SH3PXD2A: variants seen among roughly 807,000 people sequenced by gnomAD.
SH3PXD2A encodes SH3 and PX domain-containing protein 2A.
In SH3PXD2A, 32 loss-of-function variants were observed where a neutral mutation model predicts 115.2. That is an observed-to-expected ratio of 0.28 (90% CI 0.21 to 0.37). SH3PXD2A has a LOEUF of 0.37. Among genes scored for constraint, SH3PXD2A ranks in the 10% least tolerant of loss-of-function variants. The pLI is 1.00. For synonymous variants in SH3PXD2A, 610 were observed against 629.1 expected (o/e 0.97, Z 0.45); for missense variants, 1,328 against 1,498.7 (o/e 0.89, Z 1.88).
intron 1 of SH3PXD2A, among the ~76,000 whole-genome samples, chr10:103,851,735 G>A (rs1465713024): frequency 1.3e-5 from 2 of 152,180 alleles, no homozygotes; most frequent in African/African-American, 4.8e-5. Context: ...TTTCACCATC[G>A]ATGGTAACTG....
chr10:103,799,175 A>G (rs1340782961), intron 2 of SH3PXD2A, among the ~76,000 whole-genome samples: 5 of 152,134 alleles, frequency 3.3e-5, no homozygotes, highest in Admixed American at 3.3e-4. Context: ...CTCTTACACA[A>G]TCTCTCAGGG....
chr10:103,849,895 G>GT (rs1174312694), intron 1 of SH3PXD2A, among the ~76,000 whole-genome samples: 1 of 152,182 alleles, frequency 6.6e-6, no homozygotes, highest in Non-Finnish European at 1.5e-5. Flanking sequence ...CTCGAGAGGA[G>GT]TAAGTGGGAC....
chr10:103,797,488 T>C (rs2039103551), intron 2 of SH3PXD2A, among the ~76,000 whole-genome samples: 5 of 152,052 alleles, frequency 3.3e-5, no homozygotes, highest in Admixed American at 2.6e-4. Flanking sequence ...CTAAGTACCC[T>C]GTCCTTAATG....
rs780024459 is a variant in SH3PXD2A, at chr10:103,599,387, C to T, written c.*2429G>A. On this transcript the variant is annotated 3_prime_UTR_variant, in exon 15 of 15. Transcript: ENST00000369774. ...AGATGCTCTGTGCTTGGCAGACATG[C>T]TCTGCACTCCCTCCTGGCCTGGCTG... 2.6e-5 allele frequency: 4 copies of T among 152,656 alleles called. No homozygotes were observed. Among genetic ancestry groups the T allele is most frequent in the African/African-American group, 9.7e-5 (4 of 41,416 alleles). 9.5% of individuals were successfully genotyped at this position (152,656 alleles called of 1,614,324 possible). A position where few individuals can be genotyped will look rare whatever the true frequency, so the allele number is the denominator to read the frequency against.
intron 1 of SH3PXD2A, among the ~76,000 whole-genome samples, chr10:103,827,405 T>C (rs2039441149): frequency 6.6e-6 from 1 of 152,160 alleles, no homozygotes; most frequent in South Asian, 2.1e-4. Context: ...TATCATGGTA[T>C]CATGCAAAGA....
At chr10:103,644,670 G>A (rs1014969819) in intron 8 of SH3PXD2A, among the ~76,000 whole-genome samples, 5 of 151,600 alleles carry the variant, frequency 3.3e-5, no homozygotes, top group African/African-American at 9.7e-5. Flanking sequence ...GAAACCCGAC[G>A]GACTCCTAAC....
chr10:103,663,660 G>C (rs1027196510), intron 7 of SH3PXD2A, among the ~76,000 whole-genome samples: 1 of 152,260 alleles, frequency 6.6e-6, no homozygotes, highest in East Asian at 1.9e-4. Flanking sequence ...GTGCACCCAG[G>C]TGCAAGAAGC....
At chr10:103,702,596 C>CGTGTGTGTGCGTGTGTGTGTGTGT (rs1554913267) in intron 5 of SH3PXD2A, among the ~76,000 whole-genome samples, 3 of 147,448 alleles carry the variant, frequency 2.0e-5, no homozygotes, top group Non-Finnish European at 4.5e-5. Flanking sequence ...TGTGTGTGTG[C>CGTGTGTGTGCGTGTGTGTGTGTGT]GTGTGTGTGT....
intron 13 of SH3PXD2A, among the ~76,000 whole-genome samples, chr10:103,610,884 G>A (rs1268094848): frequency 6.6e-6 from 1 of 151,762 alleles, no homozygotes; most frequent in Non-Finnish European, 1.5e-5. Flanking sequence ...AGTGGAATCC[G>A]AATCCATGCC....
At chr10:103,635,262 C>T (rs1046490240) in intron 8 of SH3PXD2A, among the ~76,000 whole-genome samples, 5 of 152,242 alleles carry the variant, frequency 3.3e-5, no homozygotes, top group Non-Finnish European at 7.3e-5. Context: ...CCTGAGAAGT[C>T]AACCCTGGTT....
chr10:103,776,117 T>C (rs906368218), intron 2 of SH3PXD2A, among the ~76,000 whole-genome samples: 2 of 152,190 alleles, frequency 1.3e-5, no homozygotes, highest in Non-Finnish European at 2.9e-5. Context: ...CCGGACACCG[T>C]GGCTCATGCC....
chr10:103,712,009 G>A (rs1049635687), intron 5 of SH3PXD2A, among the ~76,000 whole-genome samples: 4 of 151,626 alleles, frequency 2.6e-5, no homozygotes, highest in Non-Finnish European at 5.9e-5. Flanking sequence ...TTGTGCCACT[G>A]AGCTCCAGCC....
At chr10:103,785,591 A>G (rs1589453868) in intron 2 of SH3PXD2A, among the ~76,000 whole-genome samples, 1 of 152,124 alleles carries the variant, frequency 6.6e-6, no homozygotes. Context: ...ACGGCTGCCC[A>G]CAGGAGGCAG....
intron 2 of SH3PXD2A, among the ~76,000 whole-genome samples, chr10:103,782,192 G>A (rs17115976): frequency 0.022 from 3,415 of 152,292 alleles, 123 homozygotes; most frequent in African/African-American, 0.074. Flanking sequence ...AATGTTCCAC[G>A]CCGGTGCTAC....
At chr10:103,657,569 T>A (rs1167020994) in intron 8 of SH3PXD2A, among the ~76,000 whole-genome samples, 2 of 152,216 alleles carry the variant, frequency 1.3e-5, no homozygotes, top group Non-Finnish European at 2.9e-5. Flanking sequence ...TGTGTCCCTG[T>A]ATATCAATGG....
At chr10:103,815,167 T>C (rs766997670) in intron 1 of SH3PXD2A, among the ~76,000 whole-genome samples, 1 of 152,146 alleles carries the variant, frequency 6.6e-6, no homozygotes, top group Non-Finnish European at 1.5e-5. Context: ...TTCTGAGACA[T>C]GACACCAAAA....
At position 103,855,541 on chromosome 10, in the gene SH3PXD2A, C is replaced by G. The variant is rs1271330349; in HGVS notation, c.-275G>C. On this transcript the variant is annotated 5_prime_UTR_variant, in exon 1 of 15. Coordinates refer to ENST00000369774, the MANE Select transcript of SH3PXD2A (RefSeq NM_001394015.1). The stretch of plus-strand genomic sequence containing the variant: ...GGCCGCCGCGCTGCGCTCGCCCGCT[C>G]GCTCTCTCCGCCGCCCGGTGGGTCC... The G allele has an allele frequency of 1.3e-5, 2 of 150,902 alleles. No homozygotes were observed. Among genetic ancestry groups the G allele is most frequent in the African/African-American group, 4.9e-5 (2 of 41,154 alleles). The allele number at this position is 150,902 out of a possible 1,614,324, so 9.3% of individuals were successfully genotyped here.
chr10:103,703,363 G>A (rs1258921679), intron 5 of SH3PXD2A, among the ~76,000 whole-genome samples: 2 of 152,232 alleles, frequency 1.3e-5, no homozygotes, highest in African/African-American at 4.8e-5. Context: ...TTTTACAGAT[G>A]CACCTCAGTC....
intron 1 of SH3PXD2A, among the ~76,000 whole-genome samples, chr10:103,843,154 G>T (rs749264173): frequency 2.6e-5 from 4 of 152,142 alleles, no homozygotes; most frequent in Admixed American, 6.5e-5. Flanking sequence ...TTTTACTTAG[G>T]AAACTGAGGC....
Sources: gnomAD v4.1 joint callset for allele counts (sites outside exome capture counted in the v4.1 genomes callset) on GRCh38, gnomAD v4.1.1 for gene constraint, MANE v1.5 for transcripts, NCBI Gene and HGNC (gene_info 2026-07-23, HGNC 2026-07-21) for gene names.